Variants in VPS35 observed in about 807,000 individuals in gnomAD.
VPS35 encodes vacuolar protein sorting-associated protein 35.
A neutral mutation model predicts 98.1 loss-of-function variants in VPS35; 21 were observed. The ratio of observed to expected loss-of-function variants is 0.21; its 90% CI spans 0.15 to 0.31. The LOEUF (loss-of-function observed/expected upper bound fraction) is 0.31, where lower values mean the gene tolerates loss of function less well. Ranked by LOEUF, VPS35 falls within the 10% of genes least tolerant of loss-of-function variation. The pLI, the probability that VPS35 is intolerant of heterozygous loss-of-function variation, is 1.00. For missense variants in VPS35, 554 were observed against 950.8 expected (o/e 0.58, Z 5.49); for synonymous variants, 268 against 318.2 (o/e 0.84, Z 1.68).
rs1965863721 is a variant in VPS35, at chr16:46,658,615, T to C, written c.*1857A>G. The C allele has an allele frequency of 6.5e-6, 1 of 153,190 alleles. No individual in the cohort carries two copies. The allele number at this position is 153,190 out of a possible 1,614,324, so 9.5% of individuals were successfully genotyped here. ...TTCTTGACTCATGTCTTTTCTACTA[T>C]TCCAGTTGTATTTCACAAAACATGT... On this transcript the variant is annotated 3_prime_UTR_variant, in exon 17 of 17. Coordinates refer to ENST00000299138, the MANE Select transcript of VPS35 (RefSeq NM_018206.6).
At chr16:46,683,431 T>C (rs1966262745) in intron 2 of VPS35, 77 bp downstream of exon 2, 26 of 1,337,902 alleles carry the variant, frequency 1.9e-5, no homozygotes, top group Non-Finnish European at 2.8e-5. Context: ...CAGAAACACC[T>C]GACTCTAGAA....
At chr16:46,671,353 T>C (rs1966065756) in intron 12 of VPS35, among the ~76,000 whole-genome samples, 1 of 152,216 alleles carries the variant, frequency 6.6e-6, no homozygotes, top group Non-Finnish European at 1.5e-5. Flanking sequence ...AGACAGACTT[T>C]TTTGTAATTC....
At chr16:46,674,265 T>C (rs1482512066) in intron 10 of VPS35, 49 bp downstream of exon 10, 4 of 1,604,920 alleles carry the variant, frequency 2.5e-6, no homozygotes, top group African/African-American at 2.7e-5. Context: ...AAAGCAAATC[T>C]AGGACAAAAA....
intron 7 of VPS35, among the ~76,000 whole-genome samples, chr16:46,676,903 G>C (rs1163343758): frequency 1.3e-5 from 2 of 151,892 alleles, no homozygotes; most frequent in African/African-American, 4.8e-5. Context: ...AAGCTACAGA[G>C]ACCTAGAAAA....
At chr16:46,662,140 A>G (rs1965922687) in intron 15 of VPS35, 103 bp downstream of exon 15, 1 of 1,597,376 alleles carries the variant, frequency 6.3e-7, no homozygotes, top group Non-Finnish European at 8.5e-7. Flanking sequence ...TGTTCATCAG[A>G]TTTCCAAGCA....
Position 46,661,961 on chromosome 16 carries a change from G to A in VPS35, c.2068-100C>T. On this transcript the variant is annotated intron_variant, in intron 15 of 16. Coordinates refer to ENST00000299138, the MANE Select transcript of VPS35 (RefSeq NM_018206.6). The surrounding 1 kb of genome is among the most constrained non-coding windows in gnomAD (Gnocchi z 4.3). ...ACCGTGGCTCTTTCGTGTTTTAAAG[G>A]GACATAACAAATTTAAATCCTTTTC... 1 of 1,507,536 alleles carries A rather than the reference G, an allele frequency of 6.6e-7. No individual in the cohort carries two copies. The highest frequency in any genetic ancestry group is 9.1e-7 in the Non-Finnish European group (1 of 1,096,112). 93.4% of individuals were successfully genotyped at this position (1,507,536 alleles called of 1,614,324 possible). A position where few individuals can be genotyped will look rare whatever the true frequency, so the allele number is the denominator to read the frequency against.
intron 13 of VPS35, among the ~76,000 whole-genome samples, chr16:46,666,826 T>C (rs1965997422): frequency 6.6e-6 from 1 of 152,220 alleles, no homozygotes; most frequent in Admixed American, 6.5e-5. Context: ...TATACGTATA[T>C]ACACACACAT....
rs1418250601 is a variant in VPS35, at chr16:46,681,379, C to T, written c.321G>A (p.Arg107=). 2 of 1,613,538 alleles carry T rather than the reference C, an allele frequency of 1.2e-6. No individual in the cohort carries two copies. The highest frequency in any genetic ancestry group is 1.3e-5 in the African/African-American group (1 of 74,986). The change falls in exon 4 of 17, where the codon AGG becomes AGA. Residue 107 remains arginine, a splice_region_variant and synonymous_variant. Transcript: ENST00000299138. The stretch of plus-strand genomic sequence containing the variant: ...TTCTCTGATTTGTAATTACTTACAG[C>T]CTTGGGATAATGTTTCCAGCATACT... ...LVQYAGNIIP[R]LYLLITVGVV... is the part of the protein sequence containing the mutation.
chr16:46,671,722 G>T lies in VPS35; in HGVS notation c.1507C>A (p.Pro503Thr). The change falls in exon 12 of 17, where the codon CCT becomes ACT. Residue 503 changes from proline (P) to threonine (T), a missense_variant. This residue lies in a region of VPS35 where 254 missense variants were observed against 390.1 expected (regional missense o/e 0.65). Transcript: ENST00000299138. The part of the protein sequence containing the change: ...RFIHLLRSED[P>T]DQQYLILNTA... ...ACTCATACCAAGTACTGCTGGTCAG[G>T]GTCCTCAGAGCGCAGCAGATGAATG... is the stretch of plus-strand genomic sequence containing the variant. The T allele has an allele frequency of 6.2e-7, 1 of 1,614,114 alleles. No homozygotes were observed.
Position 46,660,603 on chromosome 16 carries a change from G to C in VPS35, c.2260C>G (p.Leu754Val). The C allele has an allele frequency of 6.2e-7, 1 of 1,613,926 alleles. No individual in the cohort carries two copies. The highest frequency in any genetic ancestry group is 8.5e-7 in the Non-Finnish European group (1 of 1,179,992). ...NQLIQKIRED[L>V]PNLESSEETE... Reference sequence around the variant, plus strand: ...TCTTCACTGGATTCAAGATTCGGGAGGTCTTCTCGAATCTTTTGGATAAGC... The same window carrying C: ...TCTTCACTGGATTCAAGATTCGGGACGTCTTCTCGAATCTTTTGGATAAGC... The change falls in exon 17 of 17, where the codon CTC becomes GTC. Residue 754 changes from leucine (L) to valine (V), a missense_variant. Physicochemically the swap from Leu to Val is conservative, Grantham distance 32. Coordinates refer to ENST00000299138, the MANE Select transcript of VPS35 (RefSeq NM_018206.6).
chr16:46,685,805 T>A (rs558657990), intron 1 of VPS35, among the ~76,000 whole-genome samples: 7 of 152,326 alleles, frequency 4.6e-5, no homozygotes, highest in East Asian at 1.9e-4. Context: ...TTAAGTTCAA[T>A]TGATCCATTT....
In VPS35 at chr16:46,659,231, C is replaced by G. The variant is rs1596707188; in HGVS notation, c.*1241G>C. On this transcript the variant is annotated 3_prime_UTR_variant, in exon 17 of 17. Transcript: ENST00000299138. ...TCTGCCTAACAGCCAGGTCAGTGAG[C>G]AGAAAAGTCAGCCCCAGTCAAAGCA... 6.6e-6 allele frequency: 1 copy of G among 152,316 alleles called. No individual in the cohort carries two copies. The highest frequency in any genetic ancestry group is 1.5e-5 in the Non-Finnish European group (1 of 68,122). The allele number at this position is 152,316 out of a possible 1,614,324, so 9.4% of individuals were successfully genotyped here. A position where few individuals can be genotyped will look rare whatever the true frequency, so the allele number is the denominator to read the frequency against.
intron 13 of VPS35, 83 bp downstream of exon 13, chr16:46,668,847 T>C (rs952451620): frequency 6.4e-7 from 1 of 1,564,238 alleles, no homozygotes; most frequent in African/African-American, 1.4e-5. Flanking sequence ...GTTTGAAATT[T>C]TTTATAATAT....
intron 1 of VPS35, chr16:46,688,794 T>A (rs532797701): frequency 4.5e-6 from 6 of 1,335,694 alleles, no homozygotes; most frequent in Middle Eastern, 2.9e-4. Context: ...GACCTAGGAC[T>A]ACCGGTCCCC....
At position 46,689,171 on chromosome 16, in the gene VPS35, C is replaced by A. The variant is rs1028152383; in HGVS notation, c.-38G>T. 9.4e-6 allele frequency: 15 copies of A among 1,601,958 alleles called. No homozygotes were observed. The highest frequency in any genetic ancestry group is 5.1e-5 in the Admixed American group (3 of 58,748). On this transcript the variant is annotated 5_prime_UTR_variant, in exon 1 of 17. Coordinates refer to ENST00000299138, the MANE Select transcript of VPS35 (RefSeq NM_018206.6). ...GAGCCTGCAGCAAGCAGCACCCGCC[C>A]CGCGCGTAGCCTCCCGCGGTCATGT...
rs753207833 is a variant in VPS35, at chr16:46,683,256, G to A, written c.102+252C>T. 154 of 542,200 alleles carry A rather than the reference G, an allele frequency of 2.8e-4. 1 individual carries two copies. The Middle Eastern group carries it at 3.0e-3, about 11-fold the overall frequency. The allele number at this position is 542,200 out of a possible 1,614,324, so 33.6% of individuals were successfully genotyped here. On this transcript the variant is annotated intron_variant, in intron 2 of 16. Transcript: ENST00000299138. ...CAGTAATGTGTAAATAAAAGGAAGG[G>A]TCTCTTATTCTTATGAGCTTGTATT...
rs540778868 is a variant in VPS35, at chr16:46,688,219, A to C, written c.3+912T>G. 5.7e-6 allele frequency: 4 copies of C among 700,776 alleles called. No homozygotes were observed. In the East Asian group the frequency reaches 5.3e-4, roughly 93 times the overall value. 43.4% of individuals were successfully genotyped at this position (700,776 alleles called of 1,614,324 possible). A position where few individuals can be genotyped will look rare whatever the true frequency, so the allele number is the denominator to read the frequency against. On this transcript the variant is annotated intron_variant, in intron 1 of 16. Coordinates refer to ENST00000299138, the MANE Select transcript of VPS35 (RefSeq NM_018206.6). ...GAAGCCTATCTACACAGAGTGAGTA[A>C]GGTAATTAAAGCGGACATACAGTAT...
chr16:46,688,743 G>A, intron 1 of VPS35: 2 of 1,203,010 alleles, frequency 1.7e-6, no homozygotes, highest in Non-Finnish European at 2.1e-6. Context: ...CGCCACCTCC[G>A]AGTCTCAGGG....
chr16:46,663,131 A>C lies in VPS35; in HGVS notation c.1679T>G (p.Ile560Ser). Reference sequence around the variant, plus strand: ...GATAGTCTGGTGGGCAAATGAAAAAATCTTCTGGCATTTCTTTTCCCATTT... The same window carrying C: ...GATAGTCTGGTGGGCAAATGAAAAACTCTTCTGGCATTTCTTTTCCCATTT... The part of the protein sequence containing the change: ...DDKWEKKCQK[I>S]FSFAHQTISA... Residue 560 changes from isoleucine (I) to serine (S), a missense_variant, in exon 14 of 17, where the codon ATT becomes AGT. Transcript: ENST00000299138. 1 of 1,614,180 alleles carries C rather than the reference A, an allele frequency of 6.2e-7. No homozygotes were observed. Among genetic ancestry groups the C allele is most frequent in the Non-Finnish European group, 8.5e-7 (1 of 1,180,024 alleles).
Sources: gnomAD v4.1 joint callset for allele counts (sites outside exome capture counted in the v4.1 genomes callset) on GRCh38, gnomAD v4.1.1 for gene constraint, gnomAD v4.1.1 regional missense constraint, Gnocchi (gnomAD v3.1) non-coding constraint, MANE v1.5 for transcripts, NCBI Gene and HGNC (gene_info 2026-07-23, HGNC 2026-07-21) for gene names.